BRAF: variants seen among roughly 807,000 people sequenced by gnomAD.
BRAF encodes serine/threonine-protein kinase B-raf.
A neutral mutation model predicts 104.6 loss-of-function variants in BRAF; 16 were observed. The observed-to-expected ratio is 0.15, with a 90% confidence interval of 0.10 to 0.23. The LOEUF is 0.23. Ranked by LOEUF, BRAF falls within the 10% of genes least tolerant of loss-of-function variation. BRAF has a pLI of 1.00. For synonymous variants in BRAF, 310 were observed against 341.6 expected, an observed-to-expected ratio of 0.91 and a Z score of 1.02; for missense variants, 541 against 937.3, an observed-to-expected ratio of 0.58 and a Z score of 5.52.
rs776148662 is a variant in BRAF, at chr7:140,850,091, T to G, written c.240+20A>C. On this transcript the variant is annotated intron_variant, in intron 2 of 19. Coordinates refer to ENST00000644969, the MANE Select transcript of BRAF (RefSeq NM_001374258.1). ...TTTTTTTCTTTTCAAAATTACTAGA[T>G]ATGATACTCAAAAGCTTACCTCCAG... is the stretch of plus-strand genomic sequence containing the variant. 2.0e-6 allele frequency: 3 copies of G among 1,520,952 alleles called. No individual in the cohort carries two copies. Among genetic ancestry groups the G allele is most frequent in the Non-Finnish European group, 2.7e-6 (3 of 1,098,542 alleles). The allele number at this position is 1,520,952 out of a possible 1,614,324, so 94.2% of individuals were successfully genotyped here.
intron 19 of BRAF, chr7:140,731,275 CAA>C (rs1482379966): frequency 1.3e-5 from 2 of 152,238 alleles, no homozygotes; most frequent in Non-Finnish European, 2.9e-5. Context: ...CCTTGGCCTC[CAA>C]AAGTGCTGGG....
rs1809007829 is a variant in BRAF, at chr7:140,850,175, T to G, written c.176A>C (p.Glu59Ala). ...NIKQMIKLTQ[E>A]HIEALLDKFG... ...TTTGTCCAATAGGGCCTCTATATGTTCCTGTGTCAACTTAATCATTTGTTT... is the reference window on the plus strand; with the variant it reads ...TTTGTCCAATAGGGCCTCTATATGTGCCTGTGTCAACTTAATCATTTGTTT... Residue 59 changes from glutamate to alanine, a missense_variant, in exon 2 of 20, where the codon GAA becomes GCA. Around this residue, in one of 10 missense-constraint regions of BRAF, gnomAD observed 86 missense variants for 133.9 expected, o/e 0.64. Coordinates refer to ENST00000644969, the MANE Select transcript of BRAF (RefSeq NM_001374258.1). 4 of 1,611,810 alleles carry G rather than the reference T, an allele frequency of 2.5e-6. No homozygotes were observed. The highest frequency in any genetic ancestry group is 3.4e-6 in the Non-Finnish European group (4 of 1,178,976).
rs771976520 is a variant in BRAF, at chr7:140,924,087, G to A, written c.138+479C>T. 2.0e-5 allele frequency among the ~76,000 whole-genome samples: 3 copies of A among 152,182 alleles called. No homozygotes were observed. Among genetic ancestry groups the A allele is most frequent in the Non-Finnish European group, 2.9e-5 (2 of 68,026 alleles). Reference sequence around the variant, plus strand: ...CGGACTGAGAAGGGGGGCAGTCCGGGAGAGGAGAGAGGAAATGATGAGCCC... The same window carrying A: ...CGGACTGAGAAGGGGGGCAGTCCGGAAGAGGAGAGAGGAAATGATGAGCCC... On this transcript the variant is annotated intron_variant, in intron 1 of 19. Transcript: ENST00000644969. The surrounding 1 kb of genome is among the most constrained non-coding windows in gnomAD (Gnocchi z 4.2).
chr7:140,754,353 A>T, intron 14 of BRAF, 120 bp from the exon 14 acceptor site: 1 of 824,552 alleles, frequency 1.2e-6, no homozygotes, highest in Non-Finnish European at 2.1e-6. Context: ...TGAAAATAGT[A>T]CATTGTAATA....
At chr7:140,837,689 G>A (rs999033465) in intron 2 of BRAF, among the ~76,000 whole-genome samples, 1 of 152,106 alleles carries the variant, frequency 6.6e-6, no homozygotes, top group Admixed American at 6.5e-5. Context: ...TCACACTACT[G>A]CCTGAAAATC....
At chr7:140,850,076 T>A in intron 2 of BRAF, 35 bp downstream of exon 2, 1 of 1,459,016 alleles carries the variant, frequency 6.9e-7, no homozygotes, top group Non-Finnish European at 9.6e-7. Flanking sequence ...TTTTTTTCTT[T>A]TCAAAATTAC....
At chr7:140,894,781 A>G (rs1814687542) in intron 1 of BRAF, among the ~76,000 whole-genome samples, 2 of 152,068 alleles carry the variant, frequency 1.3e-5, no homozygotes, top group Non-Finnish European at 2.9e-5. Flanking sequence ...CTCATCTATT[A>G]AAAAAATAAA....
chr7:140,772,607 AGAG>A (rs1316076628), intron 14 of BRAF, among the ~76,000 whole-genome samples: 1 of 152,046 alleles, frequency 6.6e-6, no homozygotes, highest in Non-Finnish European at 1.5e-5. Flanking sequence ...CCTGGGTGAC[AGAG>A]GAGTGAGACT....
intron 1 of BRAF, among the ~76,000 whole-genome samples, chr7:140,891,354 C>T (rs1015400485): frequency 1.3e-5 from 2 of 152,186 alleles, no homozygotes; most frequent in Non-Finnish European, 2.9e-5. Context: ...TCCTTGGATG[C>T]GGAAGTCTCT....
intron 8 of BRAF, among the ~76,000 whole-genome samples, chr7:140,789,144 G>A (rs964945090): frequency 2.0e-5 from 3 of 151,876 alleles, no homozygotes; most frequent in Non-Finnish European, 4.4e-5. Context: ...GTGAGGCGGA[G>A]GTTGCAGTGA....
intron 1 of BRAF, among the ~76,000 whole-genome samples, chr7:140,872,336 T>TA (rs1430056240): frequency 1.3e-5 from 2 of 151,982 alleles, no homozygotes; most frequent in African/African-American, 4.8e-5. Flanking sequence ...AAGTCCATGG[T>TA]ACTTTAACAA....
At chr7:140,905,704 C>A (rs981175423) in intron 1 of BRAF, among the ~76,000 whole-genome samples, 14 of 152,160 alleles carry the variant, frequency 9.2e-5, no homozygotes, top group Non-Finnish European at 1.8e-4. Context: ...TTCTTCACTT[C>A]TTCAGGATTA....
chr7:140,757,984 T>C (rs1798346986), intron 14 of BRAF: 1 of 152,250 alleles, frequency 6.6e-6, no homozygotes, highest in Non-Finnish European at 1.5e-5. Context: ...ATAATATTGC[T>C]ATGCCATTTG....
rs1328632922 is a variant in BRAF, at chr7:140,776,896, A to T, written c.1814+16T>A. ...TTCAAAAATAATTTACAAGACATTTAACGAATGGAACTTACTCCATGCCCT... is the reference window on the plus strand; with the variant it reads ...TTCAAAAATAATTTACAAGACATTTTACGAATGGAACTTACTCCATGCCCT... On this transcript the variant is annotated intron_variant, in intron 14 of 19. Transcript: ENST00000644969. The T allele has an allele frequency of 1.2e-6, 2 of 1,608,272 alleles. No homozygotes were observed. The highest frequency in any genetic ancestry group is 1.7e-6 in the Non-Finnish European group (2 of 1,176,304).
chr7:140,762,888 GAC>G (rs1210554098), intron 14 of BRAF, among the ~76,000 whole-genome samples: 1 of 152,188 alleles, frequency 6.6e-6, no homozygotes, highest in East Asian at 1.9e-4. Context: ...ACCCTGAGTG[GAC>G]ACAGCACATG....
chr7:140,787,097 C>T (rs1010491882), intron 9 of BRAF, among the ~76,000 whole-genome samples: 2 of 151,716 alleles, frequency 1.3e-5, no homozygotes, highest in African/African-American at 4.8e-5. Flanking sequence ...GTCAGGAGAT[C>T]GAGACCATCC....
intron 1 of BRAF, among the ~76,000 whole-genome samples, chr7:140,915,067 A>C (rs1268781688): frequency 1.3e-5 from 2 of 151,176 alleles, no homozygotes; most frequent in Non-Finnish European, 3.0e-5. Context: ...AAAAAAAAAA[A>C]AAACCATACC....
chr7:140,914,714 A>G (rs1297066354), intron 1 of BRAF, among the ~76,000 whole-genome samples: 1 of 152,014 alleles, frequency 6.6e-6, no homozygotes, highest in Non-Finnish European at 1.5e-5. Flanking sequence ...CCTCCATAAA[A>G]CATTACCAGA....
intron 19 of BRAF, chr7:140,733,933 A>G (rs1796178672): frequency 2.2e-6 from 2 of 888,986 alleles, no homozygotes; most frequent in Admixed American, 1.2e-4. Flanking sequence ...TTTTCCCGCT[A>G]AAAATCCGAA....
Sources: gnomAD v4.1 joint callset for allele counts (sites outside exome capture counted in the v4.1 genomes callset) on GRCh38, gnomAD v4.1.1 for gene constraint, gnomAD v4.1.1 regional missense constraint, Gnocchi (gnomAD v3.1) non-coding constraint, MANE v1.5 for transcripts, NCBI Gene and HGNC (gene_info 2026-07-23, HGNC 2026-07-21) for gene names.